Variants in KIF26B observed in about 807,000 individuals in gnomAD.
KIF26B encodes the protein kinesin family member 26B, also known as kinesin-like protein KIF26B.
In KIF26B, 63 loss-of-function variants were observed where a neutral mutation model predicts 151.2. That is an observed-to-expected ratio of 0.42 (90% CI 0.34 to 0.51). The LOEUF (loss-of-function observed/expected upper bound fraction) is 0.51, where lower values mean the gene tolerates loss of function less well. KIF26B is among the 20% of genes least tolerant of loss of function. The pLI is 0.07. For missense variants in KIF26B, 2,813 were observed against 2,913.6 expected (o/e 0.97, Z 0.79); for synonymous variants, 1,357 against 1,262.1 (o/e 1.08, Z -1.59).
rs1184226853 is a variant in KIF26B at position 245,597,002 on chromosome 1, C to T, written c.1351-5575C>T. Among the ~76,000 whole-genome samples, 2 of 152,180 alleles carry T rather than the reference C, an allele frequency of 1.3e-5. No homozygotes were observed. The highest frequency in any genetic ancestry group is 2.4e-5 in the African/African-American group (1 of 41,446). ...TCCATTTGCTTGGTAAATCTTCCTC[C>T]ATCCCTTTATTTTGAGGCTATGTGT... On this transcript the variant is annotated intron_variant, in intron 5 of 14. Transcript: ENST00000407071. This position sits in a 1 kb window ranked among gnomAD's most constrained non-coding sequence, Gnocchi z 4.6.
intron 2 of KIF26B, among the ~76,000 whole-genome samples, chr1:245,221,464 A>G (rs1290869513): frequency 2.0e-5 from 3 of 151,220 alleles, no homozygotes; most frequent in South Asian, 4.2e-4. Flanking sequence ...CTGGAGTGCA[A>G]TGGCATGATC....
intron 2 of KIF26B, among the ~76,000 whole-genome samples, chr1:245,307,285 A>G (rs921016008): frequency 2.6e-5 from 4 of 152,206 alleles, no homozygotes; most frequent in African/African-American, 9.6e-5. Flanking sequence ...AAGAGGGACT[A>G]GGACGCCAGA....
intron 2 of KIF26B, among the ~76,000 whole-genome samples, chr1:245,287,396 A>G (rs1199390310): frequency 4.6e-5 from 7 of 151,986 alleles, no homozygotes; most frequent in Admixed American, 6.6e-5. Context: ...AGTTTTTTGT[A>G]AAGTATATAA....
intron 4 of KIF26B, among the ~76,000 whole-genome samples, chr1:245,452,457 T>A (rs1659418340): frequency 6.6e-6 from 1 of 152,208 alleles, no homozygotes; most frequent in Non-Finnish European, 1.5e-5. Context: ...GGTTTATAAC[T>A]ATGAGTGGAA....
At chr1:245,480,617 T>C (rs868458881) in intron 4 of KIF26B, among the ~76,000 whole-genome samples, 2 of 151,350 alleles carry the variant, frequency 1.3e-5, no homozygotes, top group Non-Finnish European at 3.0e-5. Flanking sequence ...GCTGGCAGAG[T>C]GACCGGGTAT....
chr1:245,221,774 T>C (rs1485668290), intron 2 of KIF26B, among the ~76,000 whole-genome samples: 1 of 152,244 alleles, frequency 6.6e-6, no homozygotes. Flanking sequence ...CCTTACCAGA[T>C]AGCTTGGTAT....
At chr1:245,280,050 A>T (rs1192274541) in intron 2 of KIF26B, among the ~76,000 whole-genome samples, 1 of 151,962 alleles carries the variant, frequency 6.6e-6, no homozygotes, top group East Asian at 2.0e-4. Flanking sequence ...TGCTTCTGTG[A>T]GTTGGGTGAT....
Position 245,588,889 on chromosome 1 carries a change from G to A in KIF26B, c.1351-13688G>A, listed in dbSNP as rs551071574. Among the ~76,000 whole-genome samples the A allele has an allele frequency of 2.0e-5, 3 of 152,274 alleles. No individual in the cohort carries two copies. The Middle Eastern group carries it at 0.01, about 518-fold the overall frequency. Reference sequence around the variant, plus strand: ...TTGGGGTAACTGTGGGCAGTTACTGGACGTTCTTGCTCTTACTTATTGGTT... The same window carrying A: ...TTGGGGTAACTGTGGGCAGTTACTGAACGTTCTTGCTCTTACTTATTGGTT... On this transcript the variant is annotated intron_variant, in intron 5 of 14. Coordinates refer to ENST00000407071, the MANE Select transcript of KIF26B (RefSeq NM_018012.4).
intron 9 of KIF26B, 58 bp downstream of exon 9, chr1:245,612,034 C>A (rs1488466725): frequency 6.7e-7 from 1 of 1,494,942 alleles, no homozygotes. Context: ...AGCCAGAAAT[C>A]CCTTGGGCAA....
At chr1:245,476,574 C>T (rs1017018363) in intron 4 of KIF26B, among the ~76,000 whole-genome samples, 13 of 151,460 alleles carry the variant, frequency 8.6e-5, no homozygotes, top group African/African-American at 3.1e-4. Context: ...CTTGCTCTGT[C>T]ACCCAGGCTG....
rs888461585 is a variant in KIF26B at position 245,218,724 on chromosome 1, A to T, written c.465+62041A>T. On this transcript the variant is annotated intron_variant, in intron 2 of 14. Coordinates refer to ENST00000407071, the MANE Select transcript of KIF26B (RefSeq NM_018012.4). The surrounding 1 kb of genome is among the most constrained non-coding windows in gnomAD (Gnocchi z 4.1). ...TAGCTCAGAATTTTAATAAGCAAAT[A>T]TACATGGTACCTTGCCGTAGGGGGG... 5.9e-5 allele frequency among the ~76,000 whole-genome samples: 9 copies of T among 152,212 alleles called. No homozygotes were observed. Among genetic ancestry groups the T allele is most frequent in the Admixed American group, 5.2e-4 (8 of 15,290 alleles).
intron 4 of KIF26B, among the ~76,000 whole-genome samples, chr1:245,536,032 T>C (rs548426302): frequency 1.5e-4 from 23 of 152,312 alleles, no homozygotes; most frequent in African/African-American, 5.5e-4. Context: ...GCTTGGGCCT[T>C]TATAAACATT....
intron 4 of KIF26B, among the ~76,000 whole-genome samples, chr1:245,441,174 C>T (rs1659069390): frequency 6.6e-6 from 1 of 152,128 alleles, no homozygotes; most frequent in African/African-American, 2.4e-5. Context: ...TGGTGTCTAC[C>T]ACCGTAATTA....
chr1:245,302,998 A>AAAAAAG (rs1671455953), intron 2 of KIF26B, among the ~76,000 whole-genome samples: 2 of 149,210 alleles, frequency 1.3e-5, no homozygotes, highest in Non-Finnish European at 3.0e-5. Flanking sequence ...CAAAAAAAAA[A>AAAAAAG]AAAAAAAAAA....
intron 2 of KIF26B, among the ~76,000 whole-genome samples, chr1:245,192,852 T>A (rs558098891): frequency 1.3e-5 from 2 of 152,142 alleles, no homozygotes; most frequent in Admixed American, 6.5e-5. Flanking sequence ...GGGTTTCTAG[T>A]GTACCCATCA....
chr1:245,197,993 G>C (rs1669223681), intron 2 of KIF26B, among the ~76,000 whole-genome samples: 1 of 152,182 alleles, frequency 6.6e-6, no homozygotes, highest in Non-Finnish European at 1.5e-5. Context: ...CTTTAGCCAA[G>C]CTGAGGGCAG....
At chr1:245,418,654 C>T (rs1431142910) in intron 3 of KIF26B, among the ~76,000 whole-genome samples, 1 of 152,090 alleles carries the variant, frequency 6.6e-6, no homozygotes, top group Non-Finnish European at 1.5e-5. Context: ...AGACTGGTGA[C>T]TTTTTTTCAA....
At chr1:245,257,571 T>C (rs1670559311) in intron 2 of KIF26B, among the ~76,000 whole-genome samples, 1 of 152,188 alleles carries the variant, frequency 6.6e-6, no homozygotes, top group Non-Finnish European at 1.5e-5. Context: ...AACGAGTTAC[T>C]CTTCAGGGCC....
At chr1:245,494,665 T>C (rs1297688491) in intron 4 of KIF26B, among the ~76,000 whole-genome samples, 1 of 152,146 alleles carries the variant, frequency 6.6e-6, no homozygotes, top group African/African-American at 2.4e-5. Flanking sequence ...CAGACATAAA[T>C]TTCAAAATAT....
Sources: allele counts gnomAD v4.1 joint callset (sites outside exome capture counted in the v4.1 genomes callset), GRCh38; gene constraint gnomAD v4.1.1; non-coding constraint Gnocchi (gnomAD v3.1); transcripts MANE v1.5; gene names NCBI Gene and HGNC (gene_info 2026-07-23, HGNC 2026-07-21).